Variants in MYO16 observed in about 807,000 individuals in gnomAD.
MYO16 encodes unconventional myosin-XVI.
MYO16 carries 94 observed loss-of-function variants against 205.3 expected under a neutral mutation model. That is an observed-to-expected ratio of 0.46 (90% CI 0.39 to 0.54). MYO16 has a LOEUF of 0.54. MYO16 is among the 20% of genes least tolerant of loss of function. The probability of loss-of-function intolerance (pLI) is 0.00; values close to 1 mark genes in which losing one functional copy is unlikely to be tolerated. For missense variants in MYO16, 2,315 were observed against 2,387.5 expected (o/e 0.97, Z 0.63); for synonymous variants, 988 against 954.0 (o/e 1.04, Z -0.66).
At chr13:108,519,428 G>C in the MYO16 span, among the ~76,000 whole-genome samples, 1 of 151,276 alleles carries the variant, frequency 6.6e-6, no homozygotes, top group East Asian at 1.9e-4. Context: ...TTCTCTGTTT[G>C]TTTCTTCCTT....
At chr13:108,761,797 G>A (rs1439157483) in intron 4 of MYO16, among the ~76,000 whole-genome samples, 5 of 152,068 alleles carry the variant, frequency 3.3e-5, no homozygotes, top group Admixed American at 3.3e-4. Flanking sequence ...CCTTTTGCTG[G>A]TTGATACTGA....
chr13:109,008,766 A>G (rs1885493180), intron 21 of MYO16, 131 bp from the exon 22 acceptor site: 1 of 553,414 alleles, frequency 1.8e-6, no homozygotes, highest in South Asian at 2.6e-5. Flanking sequence ...TATCTTGTGT[A>G]TGCACTACTG....
chr13:108,892,755 A>G (rs1880232358), intron 14 of MYO16, among the ~76,000 whole-genome samples: 1 of 152,238 alleles, frequency 6.6e-6, no homozygotes, highest in Non-Finnish European at 1.5e-5. Context: ...CCTCTAAATT[A>G]TATACAATCA....
chr13:108,651,293 G>A (rs538443730), intron 1 of MYO16, among the ~76,000 whole-genome samples: 29 of 152,146 alleles, frequency 1.9e-4, no homozygotes, highest in African/African-American at 4.1e-4. Flanking sequence ...AGGTTTGACT[G>A]GACAGCTGGG....
intron 4 of MYO16, 96 bp downstream of exon 4, chr13:108,727,679 G>A (rs568412484): frequency 6.3e-6 from 9 of 1,418,418 alleles, no homozygotes; most frequent in Middle Eastern, 1.9e-4. Context: ...TAATATTTTG[G>A]TTGAGAAAAA....
Position 109,158,472 on chromosome 13 carries a change from G to A in MYO16, c.5165-6429G>A, listed in dbSNP as rs142295585. Reference sequence around the variant, plus strand: ...ACTTATTCATACCTCTCCTGTCATGGCAAACTTATAAAACAGTCTTGTTAC... The same window carrying A: ...ACTTATTCATACCTCTCCTGTCATGACAAACTTATAAAACAGTCTTGTTAC... On this transcript the variant is annotated intron_variant, in intron 32 of 34. Coordinates refer to ENST00000457511, the MANE Select transcript of MYO16 (RefSeq NM_001198950.3). Among the ~76,000 whole-genome samples, 8 of 152,174 alleles carry A rather than the reference G, an allele frequency of 5.3e-5. No individual in the cohort carries two copies. In the East Asian group the frequency reaches 1.4e-3, roughly 26 times the overall value.
At chr13:108,510,461 G>GTTTTT in the MYO16 span, among the ~76,000 whole-genome samples, 82 of 45,886 alleles carry the variant, frequency 1.8e-3, 2 homozygotes, top group East Asian at 7.0e-3. Flanking sequence ...ATTGATAGCT[G>GTTTTT]TTTTTTTTTT....
At chr13:108,986,073 A>G (rs1029965507) in intron 20 of MYO16, among the ~76,000 whole-genome samples, 5 of 152,158 alleles carry the variant, frequency 3.3e-5, no homozygotes, top group Non-Finnish European at 7.4e-5. Flanking sequence ...CGTGTGCAAA[A>G]GGAACCACCT....
At chr13:108,694,224 A>G (rs2139502358) in intron 2 of MYO16, among the ~76,000 whole-genome samples, 1 of 152,336 alleles carries the variant, frequency 6.6e-6, no homozygotes, top group East Asian at 1.9e-4. Context: ...ACTTTTTAAT[A>G]ATAGCCATAC....
At chr13:108,720,932 A>T (rs773427943) in intron 3 of MYO16, among the ~76,000 whole-genome samples, 8 of 152,108 alleles carry the variant, frequency 5.3e-5, no homozygotes, top group East Asian at 1.9e-4. Flanking sequence ...GTCATTCATG[A>T]TATGTTCATT....
intron 33 of MYO16, among the ~76,000 whole-genome samples, chr13:109,173,127 G>C (rs1294922787): frequency 6.6e-6 from 1 of 152,202 alleles, no homozygotes; most frequent in Admixed American, 6.5e-5. Flanking sequence ...AGGAAACCCA[G>C]TGAAGAGAGA....
chr13:108,954,709 C>A (rs1334775429), intron 16 of MYO16, among the ~76,000 whole-genome samples: 1 of 152,118 alleles, frequency 6.6e-6, no homozygotes, highest in South Asian at 2.1e-4. Flanking sequence ...CCATGCCCTC[C>A]AGCCTGGAGA....
intron 5 of MYO16, among the ~76,000 whole-genome samples, chr13:108,791,096 C>T (rs1408100733): frequency 6.6e-6 from 1 of 152,114 alleles, no homozygotes; most frequent in East Asian, 1.9e-4. Context: ...CATGAAATTT[C>T]ATAATCCTAA....
chr13:108,866,813 G>C (rs1014815487), intron 12 of MYO16, among the ~76,000 whole-genome samples: 1 of 152,064 alleles, frequency 6.6e-6, no homozygotes, highest in African/African-American at 2.4e-5. Context: ...TAACAACAAG[G>C]CTGGTTCCGC....
At chr13:108,845,749 C>T (rs2139076077) in intron 10 of MYO16, among the ~76,000 whole-genome samples, 1 of 152,256 alleles carries the variant, frequency 6.6e-6, no homozygotes, top group African/African-American at 2.4e-5. Flanking sequence ...CAGAAGATTG[C>T]TGTGTCACTC....
chr13:108,572,528 T>C, the MYO16 span, among the ~76,000 whole-genome samples: 1 of 152,164 alleles, frequency 6.6e-6, no homozygotes, highest in African/African-American at 2.4e-5. Context: ...GGTCATCTAG[T>C]CCCCAGGTGA....
intron 32 of MYO16, among the ~76,000 whole-genome samples, chr13:109,159,487 T>C (rs1566541125): frequency 6.6e-6 from 1 of 152,242 alleles, no homozygotes; most frequent in African/African-American, 2.4e-5. Flanking sequence ...TTATTGTTCA[T>C]TCATCTTTTT....
Position 109,192,306 on chromosome 13 carries a change from G to A in MYO16, c.5415+12673G>A, listed in dbSNP as rs1879956565. On this transcript the variant is annotated intron_variant, in intron 34 of 34. Coordinates refer to ENST00000457511, the MANE Select transcript of MYO16 (RefSeq NM_001198950.3). ...CACTTGCAGGTGATTTTTACTATCT[G>A]TTTCTGGAAAGGACTATTAATTTAA... Among the ~76,000 whole-genome samples, 3 of 152,250 alleles carry A rather than the reference G, an allele frequency of 2.0e-5. No individual in the cohort carries two copies. The South Asian group carries it at 6.2e-4, about 32-fold the overall frequency.
At position 108,661,627 on chromosome 13, in the gene MYO16, C is replaced by T. The variant is rs775029946; in HGVS notation, c.29-4259C>T. ...TTCTAAAAGCATGTCCAAAGTTTCC[C>T]AAATGTTTGATTGTTTTTTCTTTAA... On this transcript the variant is annotated intron_variant, in intron 1 of 34. Coordinates refer to ENST00000457511, the MANE Select transcript of MYO16 (RefSeq NM_001198950.3). 5.9e-5 allele frequency among the ~76,000 whole-genome samples: 9 copies of T among 152,042 alleles called. No individual in the cohort carries two copies. In the East Asian group the frequency reaches 1.7e-3, roughly 29 times the overall value.
Sources: gnomAD v4.1 joint callset for allele counts (sites outside exome capture counted in the v4.1 genomes callset) on GRCh38, gnomAD v4.1.1 for gene constraint, MANE v1.5 for transcripts, NCBI Gene and HGNC (gene_info 2026-07-23, HGNC 2026-07-21) for gene names.